The following PRRX1 variants were observed in gnomAD, a reference collection of about 807,000 sequenced individuals.
PRRX1 encodes paired mesoderm homeobox protein 1.
In PRRX1, 8 loss-of-function variants were observed where a neutral mutation model predicts 24.0. That is an observed-to-expected ratio of 0.33 (90% confidence interval 0.20 to 0.60). The LOEUF is 0.60. Ranked by LOEUF, PRRX1 falls within the 20% of genes least tolerant of loss-of-function variation. The pLI is 0.82. For synonymous variants in PRRX1, 160 were observed against 131.7 expected, an observed-to-expected ratio of 1.22 and a Z score of -1.47; for missense variants, 281 against 322.4, an observed-to-expected ratio of 0.87 and a Z score of 0.98.
chr1:170,687,222 G>C (rs772042212), intron 1 of PRRX1, among the ~76,000 whole-genome samples: 8 of 151,962 alleles, frequency 5.3e-5, no homozygotes, highest in Non-Finnish European at 1.0e-4. Flanking sequence ...ATTTGTGAAG[G>C]CTGGTTTTTA....
At chr1:170,711,822 C>T (rs954385267) in intron 1 of PRRX1, among the ~76,000 whole-genome samples, 9 of 152,122 alleles carry the variant, frequency 5.9e-5, no homozygotes, top group African/African-American at 2.2e-4. Context: ...CCAAGGGGAC[C>T]ACACATCTGG....
intron 1 of PRRX1, among the ~76,000 whole-genome samples, chr1:170,670,320 C>CA (rs1220422593): frequency 6.6e-6 from 1 of 152,174 alleles, no homozygotes; most frequent in East Asian, 1.9e-4. Flanking sequence ...CCTTTAAAAT[C>CA]AAACGGCTTG....
chr1:170,666,841 T>C lies in PRRX1; in HGVS notation c.241+2382T>C, dbSNP rs139250122. ...ATTCGTCGTGGCCTTAGAGTGGGTA[T>C]GGAGCCGGGCTGGCCAGAGGAAGCT... On this transcript the variant is annotated intron_variant, in intron 1 of 3. Coordinates refer to ENST00000239461, the MANE Select transcript of PRRX1 (RefSeq NM_022716.4). 4.0e-3 allele frequency among the ~76,000 whole-genome samples: 604 copies of C among 152,000 alleles called. 1 individual carries two copies. The highest frequency in any genetic ancestry group is 0.014 in the African/African-American group (568 of 41,480).
At chr1:170,689,158 A>AT (rs898009014) in intron 1 of PRRX1, among the ~76,000 whole-genome samples, 10 of 151,108 alleles carry the variant, frequency 6.6e-5, no homozygotes, top group African/African-American at 1.9e-4. Flanking sequence ...GAGGACCTTT[A>AT]TTTTTTTTTC....
Position 170,736,498 on chromosome 1 carries a change from C to A in PRRX1, c.*312C>A, listed in dbSNP as rs1284905102. On this transcript the variant is annotated 3_prime_UTR_variant, in exon 4 of 4. Transcript: ENST00000239461. ...TCAGCTAGGTTCAGCCCACCCACCCCCATGATTGTATGAAGTTTTAAAAAA... is the reference window on the plus strand; with the variant it reads ...TCAGCTAGGTTCAGCCCACCCACCCACATGATTGTATGAAGTTTTAAAAAA... 2.6e-6 allele frequency: 1 copy of A among 392,078 alleles called. No homozygotes were observed. Among genetic ancestry groups the A allele is most frequent in the East Asian group, 4.4e-5 (1 of 22,942 alleles). The allele number at this position is 392,078 out of a possible 1,614,324, so 24.3% of individuals were successfully genotyped here. A position where few individuals can be genotyped will look rare whatever the true frequency, so the allele number is the denominator to read the frequency against.
rs1310331234 is a variant in PRRX1 at position 170,664,377 on chromosome 1, G to A, written c.159G>A (p.Ala53=). The change falls in exon 1 of 4, where the codon GCG becomes GCA. Residue 53 remains alanine (A), a synonymous_variant. Transcript: ENST00000239461. ...CCGGGGACATGGTGGCGGCACAGGC[G>A]GATGAGAACGTGGGCGAGGCTGGCC... ...EEAGDMVAAQ[A]DENVGEAGRS... The A allele has an allele frequency of 5.6e-6, 9 of 1,613,750 alleles. No individual in the cohort carries two copies. The highest frequency in any genetic ancestry group is 1.7e-5 in the Admixed American group (1 of 60,008).
intron 1 of PRRX1, chr1:170,668,605 C>T (rs1378077379): frequency 6.6e-6 from 1 of 152,188 alleles, no homozygotes; most frequent in Non-Finnish European, 1.5e-5. Flanking sequence ...AATTGCTTGC[C>T]CAATCTACCA....
At chr1:170,735,836 A>G (rs927933052) in intron 3 of PRRX1, among the ~76,000 whole-genome samples, 1 of 152,056 alleles carries the variant, frequency 6.6e-6, no homozygotes, top group African/African-American at 2.4e-5. Flanking sequence ...ACTCTACACC[A>G]CTTTCTCCTG....
intron 1 of PRRX1, among the ~76,000 whole-genome samples, chr1:170,694,052 C>T (rs1457370317): frequency 3.3e-5 from 5 of 151,888 alleles, no homozygotes; most frequent in African/African-American, 1.2e-4. Context: ...AAGTTGTCGC[C>T]ACGAAGGACT....
intron 1 of PRRX1, among the ~76,000 whole-genome samples, chr1:170,714,912 C>T (rs1654859951): frequency 6.6e-6 from 1 of 152,056 alleles, no homozygotes; most frequent in Non-Finnish European, 1.5e-5. Context: ...CTTCTTTTCT[C>T]AAGAAGTTCT....
rs768154598 is a variant in PRRX1 at position 170,664,392 on chromosome 1, C to A, written c.174C>A (p.Gly58=). The A allele has an allele frequency of 1.9e-6, 3 of 1,612,854 alleles. No individual in the cohort carries two copies. The highest frequency in any genetic ancestry group is 2.5e-6 in the Non-Finnish European group (3 of 1,179,714). ...MVAAQADENV[G]EAGRSLLESP... ...CGGCACAGGCGGATGAGAACGTGGG[C>A]GAGGCTGGCCGGAGCCTGCTGGAGT... The change falls in exon 1 of 4, where the codon GGC becomes GGA. Residue 58 remains glycine, a synonymous_variant. Transcript: ENST00000239461.
chr1:170,698,740 G>A (rs1654255379), intron 1 of PRRX1, among the ~76,000 whole-genome samples: 1 of 152,118 alleles, frequency 6.6e-6, no homozygotes, highest in South Asian at 2.1e-4. Flanking sequence ...AATGACGGTG[G>A]CACAACTGTC....
chr1:170,672,855 G>A (rs79334762), intron 1 of PRRX1, among the ~76,000 whole-genome samples: 2 of 152,058 alleles, frequency 1.3e-5, no homozygotes, highest in Admixed American at 1.3e-4. Flanking sequence ...AGGGTGGTGA[G>A]AGTCAGTGCC....
At chr1:170,689,383 T>C (rs192139120) in intron 1 of PRRX1, among the ~76,000 whole-genome samples, 8 of 152,158 alleles carry the variant, frequency 5.3e-5, no homozygotes, top group Admixed American at 3.3e-4. Context: ...TATCATAGTC[T>C]GACAATTTTG....
intron 1 of PRRX1, among the ~76,000 whole-genome samples, chr1:170,673,483 C>T (rs1571313838): frequency 6.6e-6 from 1 of 152,164 alleles, no homozygotes; most frequent in Non-Finnish European, 1.5e-5. Context: ...CCCTCCCCTT[C>T]CCATTTCATA....
chr1:170,724,931 T>C (rs769639477), intron 2 of PRRX1, among the ~76,000 whole-genome samples: 1 of 152,218 alleles, frequency 6.6e-6, no homozygotes, highest in Admixed American at 6.5e-5. Context: ...GTTTTTCCAT[T>C]TGTTTGTGTC....
intron 1 of PRRX1, among the ~76,000 whole-genome samples, chr1:170,665,357 TAA>T (rs991000430): frequency 6.6e-6 from 1 of 152,156 alleles, no homozygotes; most frequent in African/African-American, 2.4e-5. Context: ...GCTAGTGCCT[TAA>T]AAAGAGACTG....
chr1:170,723,319 C>T (rs1452361450), intron 2 of PRRX1, among the ~76,000 whole-genome samples: 1 of 151,042 alleles, frequency 6.6e-6, no homozygotes, highest in East Asian at 1.9e-4. Flanking sequence ...CAACTGCTCA[C>T]TCCACAAAAA....
chr1:170,676,122 GTTAA>G (rs1558044565), intron 1 of PRRX1, among the ~76,000 whole-genome samples: 2 of 152,118 alleles, frequency 1.3e-5, no homozygotes, highest in East Asian at 1.9e-4. Context: ...ATATAATTTA[GTTAA>G]TTAATCATGG....
Sources: gnomAD v4.1 joint callset for allele counts (sites outside exome capture counted in the v4.1 genomes callset) on GRCh38, gnomAD v4.1.1 for gene constraint, MANE v1.5 for transcripts, NCBI Gene and HGNC (gene_info 2026-07-23, HGNC 2026-07-21) for gene names.